The following AKAP13 variants were observed in gnomAD, a reference collection of about 807,000 sequenced individuals.
The protein encoded by AKAP13 is A-kinase anchoring protein 13.
In AKAP13, 80 loss-of-function variants were observed where a neutral mutation model predicts 264.5. That is an observed-to-expected ratio of 0.30 (90% CI 0.25 to 0.36). The LOEUF (loss-of-function observed/expected upper bound fraction) is 0.36. AKAP13 is among the 10% of genes least tolerant of loss of function. The pLI is 1.00. For missense variants in AKAP13, 3,712 were observed against 3,435.2 expected (o/e 1.08, Z -2.01); for synonymous variants, 1,380 against 1,250.2 (o/e 1.10, Z -2.19).
intron 1 of AKAP13, among the ~76,000 whole-genome samples, chr15:85,404,374 T>G (rs772701513): frequency 2.0e-4 from 31 of 152,236 alleles, no homozygotes; most frequent in Non-Finnish European, 8.8e-5. Flanking sequence ...AGTTTGGTTC[T>G]GCAACAACAC....
intron 9 of AKAP13, among the ~76,000 whole-genome samples, chr15:85,645,225 T>G (rs1303349049): frequency 1.3e-5 from 2 of 152,270 alleles, no homozygotes; most frequent in African/African-American, 2.4e-5. Flanking sequence ...AGGTAGTATT[T>G]CTGTCACAGA....
At chr15:85,636,928 A>G (rs984909709) in intron 8 of AKAP13, among the ~76,000 whole-genome samples, 1 of 152,194 alleles carries the variant, frequency 6.6e-6, no homozygotes, top group Non-Finnish European at 1.5e-5. Context: ...AATTCTTTTC[A>G]TCTAATGATG....
At chr15:85,450,330 A>G (rs1567063405) in intron 1 of AKAP13, among the ~76,000 whole-genome samples, 1 of 151,890 alleles carries the variant, frequency 6.6e-6, no homozygotes, top group South Asian at 2.1e-4. Flanking sequence ...TAGTTTAGCG[A>G]TCTTTTGAAT....
At chr15:85,456,827 G>A (rs1461973245) in intron 1 of AKAP13, among the ~76,000 whole-genome samples, 1 of 152,084 alleles carries the variant, frequency 6.6e-6, no homozygotes, top group African/African-American at 2.4e-5. Flanking sequence ...TCCAACATGG[G>A]TCTACTCATC....
intron 8 of AKAP13, among the ~76,000 whole-genome samples, chr15:85,624,087 A>G (rs1448071387): frequency 2.0e-5 from 3 of 152,238 alleles, no homozygotes; most frequent in African/African-American, 7.2e-5. Flanking sequence ...ACCAAAAGGA[A>G]GCAGGTCAGA....
chr15:85,622,195 T>G (rs975053376), intron 8 of AKAP13, among the ~76,000 whole-genome samples: 1 of 152,208 alleles, frequency 6.6e-6, no homozygotes, highest in Non-Finnish European at 1.5e-5. Context: ...CAAACTGTTA[T>G]AATTGATTTG....
At chr15:85,436,837 T>C (rs2073323304) in intron 1 of AKAP13, among the ~76,000 whole-genome samples, 1 of 151,844 alleles carries the variant, frequency 6.6e-6, no homozygotes, top group Non-Finnish European at 1.5e-5. Flanking sequence ...GGGAAATTTA[T>C]AGCACTAAAT....
rs1377116813 is a variant in AKAP13, at chr15:85,579,000, C to T, written c.932C>T (p.Pro311Leu). 6.2e-7 allele frequency: 1 copy of T among 1,614,066 alleles called. No homozygotes were observed. The highest frequency in any genetic ancestry group is 1.7e-5 in the Admixed American group (1 of 60,004). The change falls in exon 7 of 37, where the codon CCA (proline) becomes CTA (leucine). Residue 311 changes from proline to leucine, a missense_variant. Physicochemically the swap from Pro to Leu is moderately conservative, Grantham distance 98. Coordinates refer to ENST00000394518, the MANE Select transcript of AKAP13 (RefSeq NM_007200.5). ...ACAGCACAGGATCCTTCCAGTGCCC[C>T]AGAGACAGATGGCCAGTTTCTTCCC... ...MMTAQDPSSA[P>L]ETDGQFLPCA...
chr15:85,517,886 T>C (rs1596397432), intron 2 of AKAP13, among the ~76,000 whole-genome samples: 1 of 152,248 alleles, frequency 6.6e-6, no homozygotes, highest in East Asian at 1.9e-4. Flanking sequence ...TGAAGAAACA[T>C]GGAAAATATC....
chr15:85,428,900 A>G (rs2072911763), intron 1 of AKAP13, among the ~76,000 whole-genome samples: 1 of 152,224 alleles, frequency 6.6e-6, no homozygotes, highest in African/African-American at 2.4e-5. Context: ...GAAGGGAACT[A>G]ATCTTTATTG....
At chr15:85,677,256 G>A (rs576130682) in intron 14 of AKAP13, among the ~76,000 whole-genome samples, 4 of 152,196 alleles carry the variant, frequency 2.6e-5, no homozygotes, top group East Asian at 3.9e-4. Context: ...TTTGAGAATT[G>A]GTTTGGATAG....
chr15:85,578,429 C>T (rs1216006001), intron 6 of AKAP13, among the ~76,000 whole-genome samples: 1 of 152,116 alleles, frequency 6.6e-6, no homozygotes, highest in African/African-American at 2.4e-5. Context: ...CTCACTGCAA[C>T]CTCCGCCTCC....
chr15:85,687,152 C>T (rs574213108), intron 16 of AKAP13, among the ~76,000 whole-genome samples: 2 of 152,286 alleles, frequency 1.3e-5, no homozygotes, highest in East Asian at 3.9e-4. Context: ...AAAAAAGTCT[C>T]AGCCCTCAGC....
chr15:85,381,713 A>G (rs961460684), intron 1 of AKAP13: 3 of 152,044 alleles, frequency 2.0e-5, no homozygotes, highest in African/African-American at 7.2e-5. Context: ...TGAAAATTGG[A>G]TTGAGCGGTA....
At chr15:85,653,745 A>G (rs2082973590) in intron 10 of AKAP13, among the ~76,000 whole-genome samples, 1 of 152,198 alleles carries the variant, frequency 6.6e-6, no homozygotes, top group South Asian at 2.1e-4. Context: ...AAAGGGAAAA[A>G]GAATTACAAA....
intron 1 of AKAP13, among the ~76,000 whole-genome samples, chr15:85,390,673 A>T (rs1349495652): frequency 6.6e-6 from 1 of 152,204 alleles, no homozygotes; most frequent in Non-Finnish European, 1.5e-5. Context: ...AGGCTAGAGA[A>T]GATGGTGGCT....
At chr15:85,601,825 TATTA>T (rs2080091968) in intron 8 of AKAP13, among the ~76,000 whole-genome samples, 2 of 151,434 alleles carry the variant, frequency 1.3e-5, no homozygotes, top group Non-Finnish European at 3.0e-5. Context: ...AAAAAATGTT[TATTA>T]ATTCATTTAC....
intron 1 of AKAP13, among the ~76,000 whole-genome samples, chr15:85,409,411 C>T (rs773732621): frequency 2.0e-5 from 3 of 151,640 alleles, no homozygotes; most frequent in Non-Finnish European, 2.9e-5. Flanking sequence ...CTCTTGACCT[C>T]AGGTGATCTG....
chr15:85,717,220 C>G, intron 20 of AKAP13, 70 bp from the exon 21 acceptor site: 1 of 966,272 alleles, frequency 1.0e-6, no homozygotes, highest in Non-Finnish European at 1.6e-6. Flanking sequence ...TCTTCAGGTA[C>G]TCATTTAAGA....
Sources: gnomAD v4.1 joint callset for allele counts (sites outside exome capture counted in the v4.1 genomes callset) on GRCh38, gnomAD v4.1.1 for gene constraint, MANE v1.5 for transcripts, NCBI Gene and HGNC (gene_info 2026-07-23, HGNC 2026-07-21) for gene names.